Variants in TSNARE1 observed in about 807,000 individuals in gnomAD.
TSNARE1 encodes the protein t-SNARE domain containing 1.
TSNARE1 carries 49 observed loss-of-function variants against 62.0 expected under a neutral mutation model. The ratio of observed to expected loss-of-function variants is 0.79; its 90% CI spans 0.63 to 1.00. The LOEUF is 1.00. Among genes scored for constraint, TSNARE1 ranks in the 50% least tolerant of loss-of-function variants. The pLI is 0.00. For synonymous variants in TSNARE1, 328 were observed against 294.4 expected (o/e 1.11, Z -1.17); for missense variants, 755 against 700.1 (o/e 1.08, Z -0.88).
At chr8:142,238,171 T>C (rs1428301556) in intron 12 of TSNARE1, among the ~76,000 whole-genome samples, 2 of 151,876 alleles carry the variant, frequency 1.3e-5, no homozygotes, top group African/African-American at 2.4e-5. Flanking sequence ...GCCGTCTGTC[T>C]CCCTGGGTCT....
intron 6 of TSNARE1, among the ~76,000 whole-genome samples, chr8:142,326,706 G>A (rs1328590967): frequency 6.6e-6 from 1 of 152,256 alleles, no homozygotes; most frequent in Non-Finnish European, 1.5e-5. Context: ...ACCAGCACCA[G>A]TAAAGGCCCT....
At chr8:142,217,987 A>T (rs773569625) in intron 13 of TSNARE1, among the ~76,000 whole-genome samples, 13 of 62,482 alleles carry the variant, frequency 2.1e-4, no homozygotes, top group South Asian at 4.1e-4. Context: ...CAGGGCTCAG[A>T]GTATGAGCAG....
At chr8:142,373,416 C>T (rs1587061951) in intron 1 of TSNARE1, among the ~76,000 whole-genome samples, 1 of 152,212 alleles carries the variant, frequency 6.6e-6, no homozygotes, top group South Asian at 2.1e-4. Context: ...AGGCCAGCAG[C>T]GGGATGGCAG....
chr8:142,248,576 G>T (rs1001903083), intron 12 of TSNARE1, among the ~76,000 whole-genome samples: 2 of 152,238 alleles, frequency 1.3e-5, no homozygotes, highest in Non-Finnish European at 2.9e-5. Flanking sequence ...CCGGCTCTGG[G>T]CAGAGTAGGT....
chr8:142,279,799 G>T, intron 11 of TSNARE1: 1 of 884,114 alleles, frequency 1.1e-6, no homozygotes, highest in Non-Finnish European at 1.4e-6. Flanking sequence ...CCACTCGCCG[G>T]CCCTGCTTGC....
At chr8:142,394,610 C>G (rs1465005882) in intron 1 of TSNARE1, among the ~76,000 whole-genome samples, 18 of 152,316 alleles carry the variant, frequency 1.2e-4, no homozygotes, top group Non-Finnish European at 1.3e-4. Context: ...TACGGCCAGA[C>G]CCCACGGGAT....
chr8:142,329,611 G>A (rs1267443631), intron 6 of TSNARE1, among the ~76,000 whole-genome samples: 3 of 152,222 alleles, frequency 2.0e-5, no homozygotes, highest in African/African-American at 7.2e-5. Flanking sequence ...CCCTCTGAGA[G>A]GCCACACGTT....
At chr8:142,387,423 AG>A (rs1369480727) in intron 1 of TSNARE1, among the ~76,000 whole-genome samples, 1 of 152,194 alleles carries the variant, frequency 6.6e-6, no homozygotes, top group Non-Finnish European at 1.5e-5. Context: ...AGCAAAAACA[AG>A]GGAGTTTAAA....
In TSNARE1 at chr8:142,291,016, C is replaced by T. The variant is rs898577243; in HGVS notation, c.1291-6531G>A. On this transcript the variant is annotated intron_variant, in intron 10 of 13. Coordinates refer to ENST00000524325, the MANE Select transcript of TSNARE1 (RefSeq NM_145003.5). The surrounding 1 kb of genome is among the most constrained non-coding windows in gnomAD (Gnocchi z 4.8). ...CCAGTGCCCCGGTGAGCCTGCTGCA[C>T]GCTGGCAGTGGACTGAAGGGCACGC... is the stretch of plus-strand genomic sequence containing the variant. Among the ~76,000 whole-genome samples the T allele has an allele frequency of 1.5e-4, 23 of 152,088 alleles. No individual in the cohort carries two copies. Among genetic ancestry groups the T allele is most frequent in the Non-Finnish European group, 2.2e-4 (15 of 68,020 alleles).
chr8:142,256,495 C>T (rs1273303946), intron 12 of TSNARE1, among the ~76,000 whole-genome samples: 1 of 149,384 alleles, frequency 6.7e-6, no homozygotes, highest in African/African-American at 2.5e-5. Context: ...CCACCATCAC[C>T]ATCACTGTAA....
chr8:142,240,515 T>A (rs1817630236), intron 12 of TSNARE1, among the ~76,000 whole-genome samples: 2 of 152,152 alleles, frequency 1.3e-5, no homozygotes, highest in Admixed American at 6.5e-5. Flanking sequence ...GACACTAATA[T>A]AACTTTCCAT....
Position 142,278,033 on chromosome 8 carries a change from G to C in TSNARE1, c.1364-3170C>G, listed in dbSNP as rs372016168. 8.8e-5 allele frequency: 87 copies of C among 985,364 alleles called. 4 individuals carry two copies. The African/African-American group carries it at 1.1e-3, about 13-fold the overall frequency. The allele number at this position is 985,364 out of a possible 1,614,324, so 61.0% of individuals were successfully genotyped here. A position where few individuals can be genotyped will look rare whatever the true frequency, so the allele number is the denominator to read the frequency against. On this transcript the variant is annotated intron_variant, in intron 11 of 13. Coordinates refer to ENST00000524325, the MANE Select transcript of TSNARE1 (RefSeq NM_145003.5). The stretch of plus-strand genomic sequence containing the variant: ...AGGAGACAATGTGGCCTCAATGGGG[G>C]TGGATCCAGCCATCCCTGGCCTGCA...
intron 13 of TSNARE1, among the ~76,000 whole-genome samples, chr8:142,222,599 T>TCCACTGACTCAC (rs1816403110): frequency 1.9e-5 from 2 of 107,650 alleles, no homozygotes; most frequent in East Asian, 3.4e-4. Context: ...CACTCATTCA[T>TCCACTGACTCAC]CCACTCACTC....
chr8:142,335,539 T>A (rs1831638587), intron 4 of TSNARE1, among the ~76,000 whole-genome samples: 1 of 150,276 alleles, frequency 6.7e-6, no homozygotes, highest in African/African-American at 2.5e-5. Flanking sequence ...CAAACAGGAA[T>A]CTCTCATAAG....
chr8:142,340,088 T>C (rs919499553), intron 4 of TSNARE1, among the ~76,000 whole-genome samples: 1 of 152,162 alleles, frequency 6.6e-6, no homozygotes, highest in African/African-American at 2.4e-5. Context: ...CGGGGCCTCA[T>C]GCTCCAGGAA....
intron 1 of TSNARE1, among the ~76,000 whole-genome samples, chr8:142,401,992 A>G (rs1185534921): frequency 6.6e-6 from 1 of 152,186 alleles, no homozygotes; most frequent in African/African-American, 2.4e-5. Flanking sequence ...TCTCACAGGC[A>G]CTAAAGATAA....
At chr8:142,383,152 CAG>C (rs1437828327) in intron 1 of TSNARE1, among the ~76,000 whole-genome samples, 6 of 152,290 alleles carry the variant, frequency 3.9e-5, no homozygotes, top group African/African-American at 1.4e-4. Context: ...GCCTCAGAAA[CAG>C]GGGTGGAGTC....
Position 142,300,511 on chromosome 8 carries a change from C to G in TSNARE1, c.1265G>C (p.Arg422Pro). 6.2e-7 allele frequency: 1 copy of G among 1,607,736 alleles called. No individual in the cohort carries two copies. The highest frequency in any genetic ancestry group is 1.3e-5 in the African/African-American group (1 of 75,048). The change falls in exon 10 of 14, where the codon CGG becomes CCG. Residue 422 changes from arginine to proline, a missense_variant. Physicochemically the swap from Arg to Pro is moderately radical, Grantham distance 103 (BLOSUM62 -2). Coordinates refer to ENST00000524325, the MANE Select transcript of TSNARE1 (RefSeq NM_145003.5). ...TEEDLEAIRL[R>P]EEAILQMESN... ...CTCCATCTGCAGGATGGCCTCCTCCCGCAGCCGGATGGCCTCCAGGTCCTC... is the reference window on the plus strand; with the variant it reads ...CTCCATCTGCAGGATGGCCTCCTCCGGCAGCCGGATGGCCTCCAGGTCCTC...
intron 12 of TSNARE1, among the ~76,000 whole-genome samples, chr8:142,233,563 G>A (rs1282812330): frequency 6.6e-6 from 1 of 152,202 alleles, no homozygotes; most frequent in Non-Finnish European, 1.5e-5. Context: ...AGGGGCCGGT[G>A]TGCTTGTGTT....
Sources: allele counts gnomAD v4.1 joint callset (sites outside exome capture counted in the v4.1 genomes callset), GRCh38; gene constraint gnomAD v4.1.1; non-coding constraint Gnocchi (gnomAD v3.1); transcripts MANE v1.5; gene names NCBI Gene and HGNC (gene_info 2026-07-23, HGNC 2026-07-21).